The following EPS15L1 variants were observed in gnomAD, a reference collection of about 807,000 sequenced individuals.
EPS15L1 encodes epidermal growth factor receptor pathway substrate 15 like 1.
A neutral mutation model predicts 117.1 loss-of-function variants in EPS15L1; 43 were observed. The ratio of observed to expected loss-of-function variants is 0.37; its 90% CI spans 0.29 to 0.47. The LOEUF (loss-of-function observed/expected upper bound fraction) is 0.47, where lower values mean the gene tolerates loss of function less well. Ranked by LOEUF, EPS15L1 falls within the 20% of genes least tolerant of loss-of-function variation. The pLI is 0.99. For synonymous variants in EPS15L1, 459 were observed against 470.5 expected, an observed-to-expected ratio of 0.98 and a Z score of 0.32; for missense variants, 981 against 1,164.0, an observed-to-expected ratio of 0.84 and a Z score of 2.29.
At chr19:16,388,754 G>A (rs1301279078) in intron 19 of EPS15L1, among the ~76,000 whole-genome samples, 3 of 152,142 alleles carry the variant, frequency 2.0e-5, no homozygotes, top group Non-Finnish European at 4.4e-5. Flanking sequence ...GTGAACCCGG[G>A]AGGCGGAGCT....
At chr19:16,413,645 G>A in intron 13 of EPS15L1, 128 bp downstream of exon 13, 2 of 775,510 alleles carry the variant, frequency 2.6e-6, no homozygotes, top group East Asian at 2.6e-5. Flanking sequence ...TCATTCTGCA[G>A]CCCCCAAGAG....
intron 1 of EPS15L1, among the ~76,000 whole-genome samples, chr19:16,450,811 C>G (rs2093134509): frequency 6.6e-6 from 1 of 151,598 alleles, no homozygotes; most frequent in African/African-American, 2.4e-5. Context: ...GCTGGTCTCG[C>G]AAGGTGGTCA....
chr19:16,371,966 C>G lies in EPS15L1; in HGVS notation c.2380+5156G>C, dbSNP rs2092231170. Among the ~76,000 whole-genome samples, 1 of 152,190 alleles carries G rather than the reference C, an allele frequency of 6.6e-6. No individual in the cohort carries two copies. Among genetic ancestry groups the G allele is most frequent in the African/African-American group, 2.4e-5 (1 of 41,440 alleles). ...CCTGCCGGGTCTGTGCTGCATCTGC[C>G]TGAAAGAAACCAGTTTCTTCTGCCC... On this transcript the variant is annotated intron_variant, in intron 22 of 23. Coordinates refer to ENST00000455140, the MANE Select transcript of EPS15L1 (RefSeq NM_001258374.3). This position sits in a 1 kb window ranked among gnomAD's most constrained non-coding sequence, Gnocchi z 4.7.
rs770000878 is a variant in EPS15L1 at position 16,404,669 on chromosome 19, C to T, written c.1347G>A (p.Leu449=). ...TGGCCTTCTGCTGGTCCATCTCGTC[C>T]AGGCGGTCTTGAGCATCCTGTTTCT... ...EAQKQDAQDR[L]DEMDQQKAKL... is the part of the protein sequence containing the mutation. The change falls in exon 14 of 24, where the codon CTG becomes CTA. Residue 449 remains leucine, a synonymous_variant. Coordinates refer to ENST00000455140, the MANE Select transcript of EPS15L1 (RefSeq NM_001258374.3). This position sits in a 1 kb window ranked among gnomAD's most constrained non-coding sequence, Gnocchi z 4.2. The T allele has an allele frequency of 6.2e-7, 1 of 1,614,218 alleles. No homozygotes were observed. Among genetic ancestry groups the T allele is most frequent in the South Asian group, 1.1e-5 (1 of 91,082 alleles).
At chr19:16,460,109 T>A (rs1379243796) in intron 1 of EPS15L1, among the ~76,000 whole-genome samples, 1 of 152,062 alleles carries the variant, frequency 6.6e-6, no homozygotes, top group Non-Finnish European at 1.5e-5. Flanking sequence ...ACCCTAGCCC[T>A]ACAAAAATTA....
At chr19:16,387,777 A>C (rs948162369) in intron 19 of EPS15L1, among the ~76,000 whole-genome samples, 4 of 152,194 alleles carry the variant, frequency 2.6e-5, no homozygotes, top group African/African-American at 9.7e-5. Flanking sequence ...AACAAACAAA[A>C]AAAAACCCCA....
At chr19:16,460,868 C>T (rs2093242588) in intron 1 of EPS15L1, among the ~76,000 whole-genome samples, 1 of 152,204 alleles carries the variant, frequency 6.6e-6, no homozygotes, top group Non-Finnish European at 1.5e-5. Context: ...ACCGTACAGT[C>T]CTGGTTAAAC....
chr19:16,374,234 C>T (rs2092263795), intron 22 of EPS15L1, among the ~76,000 whole-genome samples: 1 of 152,216 alleles, frequency 6.6e-6, no homozygotes, highest in South Asian at 2.1e-4. Context: ...GCCTGTCTCC[C>T]TCACGGGTCT....
intron 1 of EPS15L1, among the ~76,000 whole-genome samples, chr19:16,469,061 TGGGA>T (rs1018811258): frequency 1.3e-5 from 2 of 151,738 alleles, no homozygotes; most frequent in Admixed American, 1.3e-4. Context: ...TGGGATTAAG[TGGGA>T]GGGAGTGGGC....
rs1345582890 is a variant in EPS15L1 at position 16,440,885 on chromosome 19, C to T, written c.190G>A (p.Gly64Ser). ...ACCTGTTTGTCCAAGAACCCTTTAC[C>T]TTCTGGATCGGCCAAGTCCCATATC... is the stretch of plus-strand genomic sequence containing the variant. Reference protein sequence around the residue: ...GKIWDLADPEGKGFLDKQGFY... With the variant: ...GKIWDLADPESKGFLDKQGFY... Residue 64 changes from glycine to serine, a missense_variant, in exon 4 of 24, where the codon GGT becomes AGT. Physicochemically the swap from Gly to Ser is moderately conservative, Grantham distance 56. This residue lies in a region of EPS15L1 where 62 missense variants were observed against 104.2 expected (regional missense o/e 0.59). Transcript: ENST00000455140. 6.2e-7 allele frequency: 1 copy of T among 1,614,152 alleles called. No individual in the cohort carries two copies. The highest frequency in any genetic ancestry group is 8.5e-7 in the Non-Finnish European group (1 of 1,180,004).
Position 16,361,891 on chromosome 19 carries a change from A to C in EPS15L1, c.2474T>G (p.Phe825Cys), listed in dbSNP as rs373537238. 7.4e-6 allele frequency: 12 copies of C among 1,614,006 alleles called. No individual in the cohort carries two copies. In the African/African-American group the frequency reaches 1.6e-4, roughly 22 times the overall value. The change falls in exon 23 of 24, where the codon TTC becomes TGC. Residue 825 changes from phenylalanine (F) to cysteine (C), a missense_variant. Transcript: ENST00000455140. Reference protein sequence around the residue: ...QPLGADSGDPFQSKKGFGDPF... With the variant: ...QPLGADSGDPCQSKKGFGDPF... ...GTCCCCAAACCCCTTTTTACTTTGG[A>C]ACGGGTCGCCGCTGTCAGCCCCGAG...
chr19:16,361,839 G>C lies in EPS15L1; in HGVS notation c.2526C>G (p.Val842=), dbSNP rs904993304. Residue 842 remains valine (V), a synonymous_variant, in exon 23 of 24, where the codon GTC becomes GTG. Coordinates refer to ENST00000455140, the MANE Select transcript of EPS15L1 (RefSeq NM_001258374.3). The stretch of plus-strand genomic sequence containing the variant: ...TAGAAGGTTTAGCTGCAGAGGAGGG[G>C]ACAAATGGGTCTTTTCCACTAAACG... ...GDPFSGKDPF[V]PSSAAKPSKA... 6.2e-7 allele frequency: 1 copy of C among 1,614,038 alleles called. No homozygotes were observed. Among genetic ancestry groups the C allele is most frequent in the East Asian group, 2.2e-5 (1 of 44,882 alleles).
chr19:16,412,739 C>T, intron 13 of EPS15L1: 1 of 234,442 alleles, frequency 4.3e-6, no homozygotes, highest in Non-Finnish European at 8.2e-6. Flanking sequence ...GTCAGAGGCC[C>T]TGGGATGGGC....
chr19:16,407,868 CCTAGACA>C (rs1345891804), intron 13 of EPS15L1, among the ~76,000 whole-genome samples: 5 of 152,158 alleles, frequency 3.3e-5, no homozygotes, highest in Non-Finnish European at 5.9e-5. Context: ...CCTGGATTCC[CCTAGACA>C]CTAGTGGAGA....
intron 1 of EPS15L1, among the ~76,000 whole-genome samples, chr19:16,466,606 A>G (rs948391953): frequency 6.6e-6 from 1 of 152,156 alleles, no homozygotes; most frequent in Non-Finnish European, 1.5e-5. Context: ...GTGATCTACA[A>G]AAGGCAGGCA....
chr19:16,382,604 C>A (rs924630107), intron 21 of EPS15L1, among the ~76,000 whole-genome samples: 2 of 151,468 alleles, frequency 1.3e-5, no homozygotes, highest in African/African-American at 2.4e-5. Flanking sequence ...GACGACTAAC[C>A]CAGTATTTCA....
rs2093036340 is a variant in EPS15L1 at position 16,441,954 on chromosome 19, C to T, written c.103G>A (p.Gly35Arg). 6.2e-7 allele frequency: 1 copy of T among 1,614,062 alleles called. No individual in the cohort carries two copies. Among genetic ancestry groups the T allele is most frequent in the Non-Finnish European group, 8.5e-7 (1 of 1,179,984 alleles). The change falls in exon 3 of 24, where the codon GGG becomes AGG. Residue 35 changes from glycine to arginine, a missense_variant. Physicochemically the swap from Gly to Arg is moderately radical, Grantham distance 125. Transcript: ENST00000455140. ...QVDPAYTGRV[G>R]ASEAALFLKK... The stretch of plus-strand genomic sequence containing the variant: ...AGAAAAAGCGCAGCTTCACTCGCCC[C>T]CACCCTCCCTGTGTATGCCGGATCG...
At chr19:16,440,316 C>T (rs1455258020) in intron 4 of EPS15L1, among the ~76,000 whole-genome samples, 1 of 151,598 alleles carries the variant, frequency 6.6e-6, no homozygotes, top group Non-Finnish European at 1.5e-5. Context: ...GCCTGTAATC[C>T]CAGCTACTCC....
At chr19:16,440,754 T>C (rs2093023139) in intron 4 of EPS15L1, 108 bp downstream of exon 4, 1 of 957,816 alleles carries the variant, frequency 1.0e-6, no homozygotes, top group Non-Finnish European at 1.7e-6. Flanking sequence ...GCCGTGCTCA[T>C]GCCTAGTAAT....
Sources: allele counts gnomAD v4.1 joint callset (sites outside exome capture counted in the v4.1 genomes callset), GRCh38; gene constraint gnomAD v4.1.1; regional missense constraint gnomAD v4.1.1; non-coding constraint Gnocchi (gnomAD v3.1); transcripts MANE v1.5; gene names NCBI Gene and HGNC (gene_info 2026-07-23, HGNC 2026-07-21).